Variants in CACNA1B observed in about 807,000 individuals in gnomAD.
The protein encoded by CACNA1B is calcium voltage-gated channel subunit alpha1 B, also known as voltage-dependent N-type calcium channel subunit alpha-1B.
Under a neutral mutation model 247.2 loss-of-function variants are expected in CACNA1B, and 70 were observed. The observed-to-expected ratio is 0.28, with a 90% CI of 0.23 to 0.35. The LOEUF is 0.35. Among genes scored for constraint, CACNA1B ranks in the 10% least tolerant of loss-of-function variants. CACNA1B has a pLI of 1.00. For synonymous variants in CACNA1B, 1,231 were observed against 1,294.4 expected (o/e 0.95, Z 1.05); for missense variants, 2,367 against 3,197.4 (o/e 0.74, Z 6.26).
intron 40 of CACNA1B, among the ~76,000 whole-genome samples, chr9:138,112,868 G>C (rs919185594): frequency 1.8e-4 from 26 of 148,066 alleles, no homozygotes; most frequent in African/African-American, 6.5e-4. Flanking sequence ...TCTTGTGAGA[G>C]ACGTGAGGGA....
rs757636040 is a variant in CACNA1B at position 138,006,816 on chromosome 9, C to T, written c.2024C>T (p.Ser675Leu). Residue 675 changes from serine (S) to leucine (L), a missense_variant, in exon 16 of 47, where the codon TCG becomes TTG. By Grantham distance (145) the Ser-to-Leu change is moderately radical. Transcript: ENST00000371372. ...GCAGTGATGTATCACGGGATCGAAT[C>T]GCAAGGCGGCGTCAGCAAAGGCATG... ...WNAVMYHGIESQGGVSKGMFS... is the reference protein window; with the variant it reads ...WNAVMYHGIELQGGVSKGMFS... The T allele has an allele frequency of 6.2e-7, 1 of 1,611,666 alleles. No individual in the cohort carries two copies. The highest frequency in any genetic ancestry group is 1.3e-5 in the African/African-American group (1 of 74,870).
chr9:138,089,322 G>A (rs1444982054), intron 36 of CACNA1B, among the ~76,000 whole-genome samples: 1 of 152,154 alleles, frequency 6.6e-6, no homozygotes, highest in South Asian at 2.1e-4. Context: ...AATTCACTGT[G>A]ATCAAATGGG....
chr9:137,940,724 C>A (rs908115249), intron 6 of CACNA1B, among the ~76,000 whole-genome samples: 10 of 152,158 alleles, frequency 6.6e-5, no homozygotes, highest in Admixed American at 5.9e-4. Context: ...TCACCATGAT[C>A]ACATGGTTTT....
intron 16 of CACNA1B, 92 bp downstream of exon 16, chr9:138,006,976 G>C (rs1269739347): frequency 4.2e-6 from 3 of 708,448 alleles, no homozygotes; most frequent in Non-Finnish European, 7.7e-6. Context: ...GGAGGACTAG[G>C]GGCCGTGGAC....
At chr9:137,959,141 C>T (rs1162180565) in intron 10 of CACNA1B, among the ~76,000 whole-genome samples, 2 of 152,058 alleles carry the variant, frequency 1.3e-5, no homozygotes, top group Non-Finnish European at 2.9e-5. Context: ...GGTGCAATCT[C>T]GGCTCACTGC....
chr9:137,883,093 C>T (rs1327806810), intron 3 of CACNA1B: 27 of 592,360 alleles, frequency 4.6e-5, no homozygotes, highest in South Asian at 1.8e-4. Flanking sequence ...CTGTATTTCT[C>T]GCTGACGGAT....
chr9:138,029,306 A>G (rs1958959293), intron 20 of CACNA1B, among the ~76,000 whole-genome samples: 1 of 152,226 alleles, frequency 6.6e-6, no homozygotes, highest in Non-Finnish European at 1.5e-5. Flanking sequence ...TATAGGAATT[A>G]TGTGGTCTTT....
In CACNA1B at chr9:137,999,272, A is replaced by G. The variant is rs1046427065; in HGVS notation, c.1975-7495A>G. On this transcript the variant is annotated intron_variant, in intron 15 of 46. Transcript: ENST00000371372. ...TAAAAAATGAATATTGCTGTCCTGC[A>G]GAGCACAACTTTGATATCATTTAGA... 2.6e-5 allele frequency among the ~76,000 whole-genome samples: 4 copies of G among 152,216 alleles called. No homozygotes were observed. In the East Asian group the frequency reaches 5.8e-4, roughly 22 times the overall value.
intron 32 of CACNA1B, among the ~76,000 whole-genome samples, chr9:138,071,181 A>G (rs2133532024): frequency 6.6e-6 from 1 of 152,346 alleles, no homozygotes; most frequent in Admixed American, 6.5e-5. Context: ...TGGATGAGAA[A>G]GCTGAGGATT....
chr9:137,937,261 C>T (rs943747025), intron 6 of CACNA1B, among the ~76,000 whole-genome samples: 13 of 151,858 alleles, frequency 8.6e-5, no homozygotes, highest in African/African-American at 2.7e-4. Flanking sequence ...CTTCAGGAAA[C>T]AATGGATGCA....
intron 36 of CACNA1B, among the ~76,000 whole-genome samples, chr9:138,088,383 T>C (rs1237722740): frequency 6.6e-6 from 1 of 151,642 alleles, no homozygotes. Context: ...AAAAAAAAAT[T>C]GTTTTTTTGA....
intron 31 of CACNA1B, among the ~76,000 whole-genome samples, chr9:138,068,271 G>A (rs10867101): frequency 0.14 from 22,022 of 152,150 alleles, 4,438 homozygotes; most frequent in African/African-American, 0.45. Flanking sequence ...GACCCGAGAC[G>A]GCTTCGGAAG....
At chr9:137,900,703 G>A (rs1957226970) in intron 3 of CACNA1B, among the ~76,000 whole-genome samples, 1 of 145,950 alleles carries the variant, frequency 6.9e-6, no homozygotes, top group Non-Finnish European at 1.5e-5. Context: ...TGTCTGTGCT[G>A]TGTGTCCCTG....
intron 36 of CACNA1B, among the ~76,000 whole-genome samples, chr9:138,087,257 T>A (rs1960721873): frequency 6.7e-6 from 1 of 148,910 alleles, no homozygotes; most frequent in Non-Finnish European, 1.5e-5. Flanking sequence ...TGGTGGTGGG[T>A]GCCTGTAATC....
At chr9:137,979,900 T>G (rs1234962393) in intron 12 of CACNA1B, among the ~76,000 whole-genome samples, 1 of 152,188 alleles carries the variant, frequency 6.6e-6, no homozygotes, top group African/African-American at 2.4e-5. Flanking sequence ...ATATTCCTGC[T>G]CAGCAAGGGG....
chr9:137,983,619 A>G (rs1272686770), intron 12 of CACNA1B, among the ~76,000 whole-genome samples: 1 of 152,112 alleles, frequency 6.6e-6, no homozygotes, highest in African/African-American at 2.4e-5. Flanking sequence ...AGAAGAAAAG[A>G]CTCAAGATGC....
At chr9:137,910,820 A>C (rs924727327) in intron 3 of CACNA1B, among the ~76,000 whole-genome samples, 2 of 152,036 alleles carry the variant, frequency 1.3e-5, no homozygotes, top group Non-Finnish European at 2.9e-5. Flanking sequence ...AGGCCACAGA[A>C]CAGTACTGGT....
rs1960150534 is a variant in CACNA1B, at chr9:138,072,016, G to A, written c.4675-1472G>A. On this transcript the variant is annotated intron_variant, in intron 32 of 46. Coordinates refer to ENST00000371372, the MANE Select transcript of CACNA1B (RefSeq NM_000718.4). This position sits in a 1 kb window ranked among gnomAD's most constrained non-coding sequence, Gnocchi z 4.5. ...TCTCTGTGGGTCCTCGTGGCCCAGA[G>A]TTCTTGGCCATCTTGTCTACCGTGG... Among the ~76,000 whole-genome samples, 1 of 152,096 alleles carries A rather than the reference G, an allele frequency of 6.6e-6. No individual in the cohort carries two copies. Among genetic ancestry groups the A allele is most frequent in the African/African-American group, 2.4e-5 (1 of 41,408 alleles).
chr9:138,120,809 G>A lies in CACNA1B; in HGVS notation c.6417G>A (p.Pro2139=), dbSNP rs763000710. The A allele has an allele frequency of 8.3e-6, 13 of 1,561,936 alleles. No homozygotes were observed. The highest frequency in any genetic ancestry group is 4.8e-5 in the East Asian group (2 of 41,640). ...ACCGCTTTGGGGGCCGTGAGCCCCC[G>A]AAGCCCAAGCCCTCCCTCAGCAGCC... ...SCDRFGGREP[P]KPKPSLSSHP... is the part of the protein sequence containing the mutation. The change falls in exon 46 of 47, where the codon CCG becomes CCA. Residue 2139 remains proline (P), a synonymous_variant. Transcript: ENST00000371372.
Sources: allele counts gnomAD v4.1 joint callset (sites outside exome capture counted in the v4.1 genomes callset), GRCh38; gene constraint gnomAD v4.1.1; non-coding constraint Gnocchi (gnomAD v3.1); transcripts MANE v1.5; gene names NCBI Gene and HGNC (gene_info 2026-07-23, HGNC 2026-07-21).